The following PTAFR variants were observed in gnomAD, a reference collection of about 807,000 sequenced individuals.
PTAFR encodes platelet-activating factor receptor.
In PTAFR, 8 loss-of-function variants were observed where a neutral mutation model predicts 14.7. That is an observed-to-expected ratio of 0.54 (90% CI 0.32 to 0.98). The LOEUF is 0.98. Among genes scored for constraint, PTAFR ranks in the 50% least tolerant of loss-of-function variants. The pLI is 0.04. For synonymous variants in PTAFR, 156 were observed against 176.5 expected, an observed-to-expected ratio of 0.88 and a Z score of 0.92; for missense variants, 337 against 451.2, an observed-to-expected ratio of 0.75 and a Z score of 2.29.
At chr1:28,174,101 G>A (rs1010049569) in intron 1 of PTAFR, among the ~76,000 whole-genome samples, 12 of 152,070 alleles carry the variant, frequency 7.9e-5, no homozygotes, top group African/African-American at 2.7e-4. Flanking sequence ...ACACACCAGA[G>A]GCTTCTCCCC....
chr1:28,186,874 G>A (rs1408859471), intron 1 of PTAFR, among the ~76,000 whole-genome samples: 1 of 152,178 alleles, frequency 6.6e-6, no homozygotes, highest in Non-Finnish European at 1.5e-5. Context: ...GCAGTGAGCC[G>A]AGATCGTGCC....
At chr1:28,180,002 C>T (rs374747387), upstream of PTAFR, among the ~76,000 whole-genome samples, 1 of 151,840 alleles carries the variant, frequency 6.6e-6, no homozygotes, top group African/African-American at 2.4e-5. Context: ...AGAAATCAAC[C>T]GCTTGAACAC....
intron 1 of PTAFR, 45 bp from the exon 2 acceptor site, chr1:28,151,104 G>T: frequency 9.0e-7 from 1 of 1,116,556 alleles, no homozygotes; most frequent in Non-Finnish European, 1.3e-6. Flanking sequence ...GGACAAGAAG[G>T]GACTGTTCCA....
At chr1:28,160,460 G>T (rs1646309708) in intron 1 of PTAFR, among the ~76,000 whole-genome samples, 1 of 150,646 alleles carries the variant, frequency 6.6e-6, no homozygotes, top group Admixed American at 6.6e-5. Context: ...CCAGCACTTT[G>T]GGGAAACTGA....
At chr1:28,185,380 C>G (rs560850340) in intron 1 of PTAFR, among the ~76,000 whole-genome samples, 2 of 152,298 alleles carry the variant, frequency 1.3e-5, no homozygotes, top group East Asian at 3.9e-4. Context: ...TCCTGCACAA[C>G]TATTATAAAG....
chr1:28,165,635 T>C (rs1274772938), intron 1 of PTAFR, among the ~76,000 whole-genome samples: 1 of 151,208 alleles, frequency 6.6e-6, no homozygotes, highest in Non-Finnish European at 1.5e-5. Flanking sequence ...TACAAAAAAT[T>C]AGCCAGGCGT....
At position 28,150,667 on chromosome 1, in the gene PTAFR, C is replaced by T; in HGVS notation, c.355G>A (p.Val119Ile). ...GVITYNRFQA[V>I]TRPIKTAQAN... The stretch of plus-strand genomic sequence containing the variant: ...TGAGCAGTCTTGATGGGCCGAGTTA[C>T]TGCCTGGAAGCGGTTATAAGTGATG... The change falls in exon 2 of 2, where the codon GTA becomes ATA. Residue 119 changes from valine (V) to isoleucine (I), a missense_variant. Physicochemically the swap from Val to Ile is conservative, Grantham distance 29. Coordinates refer to ENST00000373857, the MANE Select transcript of PTAFR (RefSeq NM_000952.5). This position sits in a 1 kb window ranked among gnomAD's most constrained non-coding sequence, Gnocchi z 6.3. 1 of 1,614,130 alleles carries T rather than the reference C, an allele frequency of 6.2e-7. No individual in the cohort carries two copies. Among genetic ancestry groups the T allele is most frequent in the Non-Finnish European group, 8.5e-7 (1 of 1,180,042 alleles).
At chr1:28,177,532 G>A (rs1193288533), upstream of PTAFR, among the ~76,000 whole-genome samples, 3 of 152,168 alleles carry the variant, frequency 2.0e-5, no homozygotes, top group Non-Finnish European at 4.4e-5. Context: ...GGGATTACAG[G>A]CATGAGCCAC....
In PTAFR at chr1:28,147,209, T is replaced by A. The variant is rs1030527335; in HGVS notation, c.*2784A>T. The A allele has an allele frequency of 3.3e-5, 5 of 152,174 alleles. No individual in the cohort carries two copies. Among genetic ancestry groups the A allele is most frequent in the African/African-American group, 9.7e-5 (4 of 41,444 alleles). The allele number at this position is 152,174 out of a possible 1,614,324, so 9.4% of individuals were successfully genotyped here. A position where few individuals can be genotyped will look rare whatever the true frequency, so the allele number is the denominator to read the frequency against. On this transcript the variant is annotated 3_prime_UTR_variant, in exon 2 of 2. Coordinates refer to ENST00000373857, the MANE Select transcript of PTAFR (RefSeq NM_000952.5). ...CTTTATTAAGTAAATGGACAGTTGG[T>A]ACACAGATATTGCAAAAATTTCGAG...
intron 1 of PTAFR, among the ~76,000 whole-genome samples, chr1:28,168,172 C>T (rs1482341480): frequency 4.0e-5 from 6 of 148,288 alleles, no homozygotes; most frequent in East Asian, 2.0e-4. Flanking sequence ...GGGGTTTCAC[C>T]GTGTTAGCCA....
upstream of PTAFR, among the ~76,000 whole-genome samples, chr1:28,178,903 A>G (rs1403658412): frequency 6.6e-6 from 1 of 152,124 alleles, no homozygotes; most frequent in Admixed American, 6.6e-5. Flanking sequence ...GGCTCAGGCC[A>G]AGCACTTTGG....
intron 1 of PTAFR, among the ~76,000 whole-genome samples, chr1:28,164,862 T>C (rs948486434): frequency 2.0e-5 from 3 of 152,110 alleles, no homozygotes; most frequent in African/African-American, 7.2e-5. Flanking sequence ...GCTTTTACCT[T>C]TGTTCCTCAA....
intron 1 of PTAFR, among the ~76,000 whole-genome samples, chr1:28,155,018 A>G (rs1646247458): frequency 6.6e-6 from 1 of 152,084 alleles, no homozygotes; most frequent in South Asian, 2.1e-4. Context: ...AGCTTATCAG[A>G]TGGCCCTTGC....
At chr1:28,164,747 G>C (rs1572036691) in intron 1 of PTAFR, among the ~76,000 whole-genome samples, 1 of 152,224 alleles carries the variant, frequency 6.6e-6, no homozygotes, top group African/African-American at 2.4e-5. Flanking sequence ...GAAGCAAACT[G>C]CTCCTTGGCC....
chr1:28,178,682 G>T (rs533891852), upstream of PTAFR, among the ~76,000 whole-genome samples: 1 of 149,214 alleles, frequency 6.7e-6, no homozygotes, highest in East Asian at 2.0e-4. Flanking sequence ...CATAACACTT[G>T]CACACTCGCA....
intron 1 of PTAFR, among the ~76,000 whole-genome samples, chr1:28,192,512 C>G (rs1445948003): frequency 6.9e-5 from 10 of 143,934 alleles, no homozygotes; most frequent in Non-Finnish European, 1.2e-4. Context: ...GAGCCAAGAT[C>G]ACGCCATTGC....
intron 1 of PTAFR, among the ~76,000 whole-genome samples, chr1:28,183,133 T>A (rs1646576150): frequency 6.6e-6 from 1 of 152,188 alleles, no homozygotes; most frequent in Admixed American, 6.5e-5. Context: ...ATGTAGTGGA[T>A]AATTGTGTCT....
At chr1:28,190,956 T>C (rs563953196) in intron 1 of PTAFR, among the ~76,000 whole-genome samples, 65 of 152,334 alleles carry the variant, frequency 4.3e-4, no homozygotes, top group African/African-American at 1.5e-3. Context: ...TGTGAAGCAC[T>C]GCCATCCTCA....
rs1646158957 is a variant in PTAFR, at chr1:28,149,930, T to C, written c.*63A>G. On this transcript the variant is annotated 3_prime_UTR_variant, in exon 2 of 2. Transcript: ENST00000373857. Reference sequence around the variant, plus strand: ...GTGCCCAGACCACAGTAGATATCCCTTCTTCCCCCAGCTCAGTCCATGATG... The same window carrying C: ...GTGCCCAGACCACAGTAGATATCCCCTCTTCCCCCAGCTCAGTCCATGATG... 3 of 1,546,770 alleles carry C rather than the reference T, an allele frequency of 1.9e-6. No homozygotes were observed. The highest frequency in any genetic ancestry group is 4.5e-5 in the East Asian group (2 of 44,414).
Sources: allele counts gnomAD v4.1 joint callset (sites outside exome capture counted in the v4.1 genomes callset), GRCh38; gene constraint gnomAD v4.1.1; non-coding constraint Gnocchi (gnomAD v3.1); transcripts MANE v1.5; gene names NCBI Gene and HGNC (gene_info 2026-07-23, HGNC 2026-07-21).